The following MARCHF5 variants were observed in gnomAD, a reference collection of about 807,000 sequenced individuals.
MARCHF5 encodes the protein membrane associated ring-CH-type finger 5, also known as E3 ubiquitin-protein ligase MARCHF5.
In MARCHF5, 5 loss-of-function variants were observed where a neutral mutation model predicts 36.5. That is an observed-to-expected ratio of 0.14 (90% CI 0.07 to 0.29). The LOEUF (loss-of-function observed/expected upper bound fraction) is 0.29. Ranked by LOEUF, MARCHF5 falls within the 10% of genes least tolerant of loss-of-function variation. The pLI, the probability that MARCHF5 is intolerant of heterozygous loss-of-function variation, is 1.00. For synonymous variants in MARCHF5, 103 were observed against 109.9 expected, an observed-to-expected ratio of 0.94 and a Z score of 0.39; for missense variants, 179 against 336.3, an observed-to-expected ratio of 0.53 and a Z score of 3.66.
chr10:92,331,943 A>G lies in MARCHF5; in HGVS notation c.239-8730A>G, dbSNP rs916909465. Among the ~76,000 whole-genome samples, 8 of 145,142 alleles carry G rather than the reference A, an allele frequency of 5.5e-5. No individual in the cohort carries two copies. In the South Asian group the frequency reaches 6.3e-4, roughly 12 times the overall value. On this transcript the variant is annotated intron_variant, in intron 2 of 5. Coordinates refer to ENST00000358935, the MANE Select transcript of MARCHF5 (RefSeq NM_017824.5). ...ATCATATATATGTATATATAATCGT[A>G]TATATATGTATATATATAATCGTAT...
chr10:92,319,979 T>C (rs1212120576), intron 2 of MARCHF5, among the ~76,000 whole-genome samples: 3 of 147,162 alleles, frequency 2.0e-5, no homozygotes, highest in Non-Finnish European at 3.0e-5. Context: ...TCTTTTCTTT[T>C]TTTTTTTTTT....
At chr10:92,346,933 C>T (rs1440872518) in intron 3 of MARCHF5, among the ~76,000 whole-genome samples, 2 of 151,986 alleles carry the variant, frequency 1.3e-5, no homozygotes, top group Non-Finnish European at 2.9e-5. Context: ...ACACATAACC[C>T]GACAAAGGAT....
At chr10:92,325,339 T>C (rs1033921902) in intron 2 of MARCHF5, among the ~76,000 whole-genome samples, 2 of 152,166 alleles carry the variant, frequency 1.3e-5, no homozygotes, top group African/African-American at 2.4e-5. Flanking sequence ...TAAAACCTTA[T>C]GTCTTAAATA....
In MARCHF5 at chr10:92,349,835, T is replaced by A; in HGVS notation, c.718T>A (p.Leu240Met). ...SVNSNLQRTI[L>M]GGIAFVAIKG... Reference sequence around the variant, plus strand: ...TAACTCTAATTTACAAAGGACAATCTTGGTAAGACGGCTTTAACATTACTT... The same window carrying A: ...TAACTCTAATTTACAAAGGACAATCATGGTAAGACGGCTTTAACATTACTT... Residue 240 changes from leucine to methionine, a missense_variant and splice_region_variant, in exon 5 of 6, where the codon TTG (leucine) becomes ATG (methionine). By Grantham distance (15) the Leu-to-Met change is conservative. Coordinates refer to ENST00000358935, the MANE Select transcript of MARCHF5 (RefSeq NM_017824.5). 6.2e-7 allele frequency: 1 copy of A among 1,609,108 alleles called. No homozygotes were observed. Among genetic ancestry groups the A allele is most frequent in the South Asian group, 1.1e-5 (1 of 90,184 alleles).
intron 2 of MARCHF5, among the ~76,000 whole-genome samples, chr10:92,331,621 G>A (rs1843436900): frequency 6.6e-6 from 1 of 151,730 alleles, no homozygotes; most frequent in Non-Finnish European, 1.5e-5. Context: ...TTAATACGTA[G>A]TAAAATGTGT....
intron 1 of MARCHF5, among the ~76,000 whole-genome samples, chr10:92,306,779 C>T (rs1418749177): frequency 6.6e-6 from 1 of 152,012 alleles, no homozygotes; most frequent in East Asian, 1.9e-4. Context: ...TTTGGGAGGC[C>T]GAGGCAGGTG....
At position 92,342,386 on chromosome 10, in the gene MARCHF5, G is replaced by C. The variant is rs142182087; in HGVS notation, c.369+1583G>C. Among the ~76,000 whole-genome samples the C allele has an allele frequency of 5.1e-3, 774 of 152,170 alleles. 10 individuals are homozygous for C. Among genetic ancestry groups the C allele is most frequent in the South Asian group, 0.021 (100 of 4,800 alleles). On this transcript the variant is annotated intron_variant, in intron 3 of 5. Transcript: ENST00000358935. ...TGGTCTCAACCTCCTGGCCTCAAGT[G>C]ATCCTCCCACCTCAGCTTCCCAAAG...
At chr10:92,300,647 A>C (rs1004823619) in intron 1 of MARCHF5, among the ~76,000 whole-genome samples, 1 of 152,172 alleles carries the variant, frequency 6.6e-6, no homozygotes, top group African/African-American at 2.4e-5. Flanking sequence ...TCTCTTTATG[A>C]ATAAGTGTAT....
chr10:92,342,172 A>G (rs1422840923), intron 3 of MARCHF5, among the ~76,000 whole-genome samples: 3 of 145,072 alleles, frequency 2.1e-5, no homozygotes, highest in African/African-American at 7.6e-5. Flanking sequence ...CCCCGACAAA[A>G]CAAAGTCTTA....
chr10:92,331,157 C>T, intron 2 of MARCHF5, among the ~76,000 whole-genome samples: 1 of 152,046 alleles, frequency 6.6e-6, no homozygotes, highest in East Asian at 1.9e-4. Flanking sequence ...GTAGTATGTG[C>T]ATAATTAGTG....
intron 2 of MARCHF5, among the ~76,000 whole-genome samples, chr10:92,328,511 C>G (rs575805915): frequency 6.6e-6 from 1 of 151,122 alleles, no homozygotes; most frequent in Non-Finnish European, 1.5e-5. Context: ...TCTATTTGTC[C>G]TACTTTTTCC....
intron 2 of MARCHF5, among the ~76,000 whole-genome samples, chr10:92,313,282 A>G (rs1843167794): frequency 6.6e-6 from 1 of 151,312 alleles, no homozygotes. Context: ...CATTTGTATC[A>G]TTATTTAGTC....
chr10:92,337,563 A>G (rs1242171744), intron 2 of MARCHF5, among the ~76,000 whole-genome samples: 2 of 152,170 alleles, frequency 1.3e-5, no homozygotes, highest in Non-Finnish European at 2.9e-5. Flanking sequence ...CTTCTGGGGA[A>G]TTTTGTTGCA....
intron 5 of MARCHF5, 44 bp downstream of exon 5, chr10:92,349,881 A>T: frequency 6.7e-7 from 1 of 1,501,632 alleles, no homozygotes; most frequent in Non-Finnish European, 9.2e-7. Flanking sequence ...GCAAAAGAGA[A>T]TGAAGTGTAT....
chr10:92,342,766 TGTA>T (rs764584574), intron 3 of MARCHF5, among the ~76,000 whole-genome samples: 1 of 152,058 alleles, frequency 6.6e-6, no homozygotes, highest in Non-Finnish European at 1.5e-5. Context: ...TAAGTAACTC[TGTA>T]GTAGTGAACA....
At chr10:92,294,964 C>T (rs1394716800) in intron 1 of MARCHF5, among the ~76,000 whole-genome samples, 2 of 152,020 alleles carry the variant, frequency 1.3e-5, no homozygotes, top group South Asian at 2.1e-4. Context: ...CCTTGGGGGT[C>T]GTGGCTGTAG....
At chr10:92,343,720 C>T (rs1422687219) in intron 3 of MARCHF5, among the ~76,000 whole-genome samples, 2 of 152,176 alleles carry the variant, frequency 1.3e-5, no homozygotes, top group Admixed American at 6.5e-5. Context: ...CAGGCATGTG[C>T]CACCACGCCC....
intron 4 of MARCHF5, 60 bp downstream of exon 4, chr10:92,349,592 A>T (rs963377624): frequency 1.3e-6 from 2 of 1,594,694 alleles, no homozygotes; most frequent in African/African-American, 1.3e-5. Flanking sequence ...GAACAATAAC[A>T]TGCTTTTTTA....
chr10:92,339,371 AAAAT>A (rs896454598), intron 2 of MARCHF5, among the ~76,000 whole-genome samples: 22 of 147,854 alleles, frequency 1.5e-4, no homozygotes, highest in Admixed American at 3.3e-4. Context: ...CTCTGTCTCA[AAAAT>A]AAATAAATAG....
Sources: allele counts gnomAD v4.1 joint callset (sites outside exome capture counted in the v4.1 genomes callset), GRCh38; gene constraint gnomAD v4.1.1; transcripts MANE v1.5; gene names NCBI Gene and HGNC (gene_info 2026-07-23, HGNC 2026-07-21).